Variants in SCMH1 observed in about 807,000 individuals in gnomAD.
SCMH1 encodes Scm polycomb group protein homolog 1.
Under a neutral mutation model 70.8 loss-of-function variants are expected in SCMH1, and 37 were observed. The observed-to-expected ratio is 0.52, with a 90% CI of 0.40 to 0.69. The LOEUF is 0.69. Ranked by LOEUF, SCMH1 falls within the 30% of genes least tolerant of loss-of-function variation. SCMH1 has a pLI of 0.00. For synonymous variants in SCMH1, 292 were observed against 307.4 expected, an observed-to-expected ratio of 0.95 and a Z score of 0.52; for missense variants, 607 against 827.3, an observed-to-expected ratio of 0.73 and a Z score of 3.27.
chr1:41,123,985 T>A (rs1004709132), intron 6 of SCMH1, among the ~76,000 whole-genome samples: 1 of 152,182 alleles, frequency 6.6e-6, no homozygotes, highest in Non-Finnish European at 1.5e-5. Flanking sequence ...ATTCAGCAAC[T>A]CTAGAAAGAA....
intron 1 of SCMH1, among the ~76,000 whole-genome samples, chr1:41,235,569 T>TAAA (rs61093555): frequency 9.3e-5 from 4 of 43,078 alleles, no homozygotes; most frequent in East Asian, 1.0e-3. Flanking sequence ...AGACTCCGTC[T>TAAA]AAAAAAAAAA....
intron 9 of SCMH1, among the ~76,000 whole-genome samples, chr1:41,073,606 T>C (rs554213555): frequency 6.7e-6 from 1 of 150,286 alleles, no homozygotes; most frequent in Non-Finnish European, 1.5e-5. Flanking sequence ...ATTGGTAACA[T>C]CATCACTAAA....
At chr1:41,221,613 C>G (rs1301678116) in intron 1 of SCMH1, among the ~76,000 whole-genome samples, 1 of 150,520 alleles carries the variant, frequency 6.6e-6, no homozygotes, top group African/African-American at 2.4e-5. Flanking sequence ...AGGGCCCAGG[C>G]GCGGTGGCTC....
Position 41,080,302 on chromosome 1 carries a change from AAAG to A in SCMH1, c.746-4854_746-4852del, listed in dbSNP as rs545462630. Among the ~76,000 whole-genome samples, 401 of 152,300 alleles carry A rather than the reference AAAG, an allele frequency of 2.6e-3. 2 individuals are homozygous for A. Among genetic ancestry groups the A allele is most frequent in the African/African-American group, 9.2e-3 (383 of 41,582 alleles). On this transcript the variant is annotated intron_variant, in intron 8 of 14. Coordinates refer to ENST00000337495, the Ensembl canonical transcript of SCMH1. ...CACTGATGAATTCTAGCAAATATTT[AAAG>A]AAGAAATAATAACAAATCTTGCAAA... is the stretch of plus-strand genomic sequence containing the variant.
chr1:41,219,995 C>A (rs1280757604), intron 1 of SCMH1, among the ~76,000 whole-genome samples: 1 of 151,658 alleles, frequency 6.6e-6, no homozygotes, highest in African/African-American at 2.4e-5. Flanking sequence ...CTTTGACTTT[C>A]ATATAACCAC....
At chr1:41,231,768 A>C (rs1419285971) in intron 1 of SCMH1, among the ~76,000 whole-genome samples, 1 of 152,144 alleles carries the variant, frequency 6.6e-6, no homozygotes, top group Non-Finnish European at 1.5e-5. Context: ...CACGCCTGTA[A>C]TCCCAGCACT....
chr1:41,172,727 T>A (rs529623499), intron 2 of SCMH1, among the ~76,000 whole-genome samples: 1 of 152,120 alleles, frequency 6.6e-6, no homozygotes, highest in Non-Finnish European at 1.5e-5. Flanking sequence ...AGTACTGGCA[T>A]AAGAACACAC....
intron 13 of SCMH1, among the ~76,000 whole-genome samples, chr1:41,035,317 A>G (rs1282524491): frequency 2.6e-5 from 4 of 152,174 alleles, no homozygotes; most frequent in Non-Finnish European, 5.9e-5. Flanking sequence ...CTAGCTCAGC[A>G]AAAAAGCCCT....
At chr1:41,081,099 T>C (rs1320010782) in intron 8 of SCMH1, among the ~76,000 whole-genome samples, 2 of 152,148 alleles carry the variant, frequency 1.3e-5, no homozygotes, top group Non-Finnish European at 2.9e-5. Context: ...CTAATGTATT[T>C]CTCTAAATAG....
intron 12 of SCMH1, among the ~76,000 whole-genome samples, chr1:41,039,560 A>C (rs1645814566): frequency 6.6e-6 from 1 of 151,680 alleles, no homozygotes; most frequent in Admixed American, 6.6e-5. Flanking sequence ...CTCCTCTGCA[A>C]CCTCCACCTC....
chr1:41,211,351 G>A (rs2148798554), intron 1 of SCMH1, among the ~76,000 whole-genome samples: 1 of 152,276 alleles, frequency 6.6e-6, no homozygotes, highest in African/African-American at 2.4e-5. Flanking sequence ...CAAAAAGTGG[G>A]CAAAGGATAT....
At chr1:41,111,327 C>T (rs1379059606) in intron 8 of SCMH1, among the ~76,000 whole-genome samples, 1 of 152,146 alleles carries the variant, frequency 6.6e-6, no homozygotes. Context: ...TCCACTTCTC[C>T]AACATCATCT....
At chr1:41,097,618 G>A (rs1269821350) in intron 8 of SCMH1, among the ~76,000 whole-genome samples, 8 of 152,160 alleles carry the variant, frequency 5.3e-5, no homozygotes, top group Admixed American at 5.2e-4. Context: ...ACAGGCATGT[G>A]CCACCACAGC....
intron 10 of SCMH1, among the ~76,000 whole-genome samples, chr1:41,054,452 T>C (rs1049295591): frequency 3.9e-5 from 6 of 152,168 alleles, no homozygotes; most frequent in Admixed American, 2.0e-4. Context: ...AAATTTCTTA[T>C]TTCCAGTCTC....
At chr1:41,227,976 ACT>A (rs767027211) in intron 1 of SCMH1, among the ~76,000 whole-genome samples, 13 of 152,054 alleles carry the variant, frequency 8.5e-5, no homozygotes, top group African/African-American at 2.9e-4. Flanking sequence ...ACAGTGCAAG[ACT>A]CTGTCTCAAA....
At chr1:41,212,520 A>G (rs1045199777) in intron 1 of SCMH1, among the ~76,000 whole-genome samples, 25 of 152,306 alleles carry the variant, frequency 1.6e-4, no homozygotes, top group Admixed American at 8.5e-4. Context: ...GAGTGACATC[A>G]AAGAACCAGA....
intron 5 of SCMH1, among the ~76,000 whole-genome samples, chr1:41,143,774 C>A (rs1644310990): frequency 1.3e-5 from 2 of 152,192 alleles, no homozygotes; most frequent in South Asian, 4.1e-4. Flanking sequence ...TGCACCCAGG[C>A]AACCAATGAT....
chr1:41,177,132 T>C (rs901782715), intron 2 of SCMH1, among the ~76,000 whole-genome samples: 1 of 152,130 alleles, frequency 6.6e-6, no homozygotes, highest in Non-Finnish European at 1.5e-5. Context: ...GCAAACAGGG[T>C]CTGGAGTGGA....
intron 2 of SCMH1, among the ~76,000 whole-genome samples, chr1:41,185,636 ATTT>A (rs35853628): frequency 2.9e-5 from 4 of 139,764 alleles, no homozygotes; most frequent in Non-Finnish European, 4.7e-5. Flanking sequence ...ATTGTTACAG[ATTT>A]TTTTTTTTTT....
Sources: gnomAD v4.1 joint callset for allele counts (sites outside exome capture counted in the v4.1 genomes callset) on GRCh38, gnomAD v4.1.1 for gene constraint, MANE v1.5 for transcripts, NCBI Gene and HGNC (gene_info 2026-07-23, HGNC 2026-07-21) for gene names.